HPSE2: variants seen among roughly 807,000 people sequenced by gnomAD.
HPSE2 encodes heparanase 2 (inactive).
A neutral mutation model predicts 60.5 loss-of-function variants in HPSE2; 38 were observed. The observed-to-expected ratio is 0.63, with a 90% confidence interval of 0.48 to 0.82. HPSE2 has a LOEUF of 0.82. Among genes scored for constraint, HPSE2 ranks in the 40% least tolerant of loss-of-function variants. The probability of loss-of-function intolerance (pLI) is 0.00; values close to 1 mark genes in which losing one functional copy is unlikely to be tolerated. For missense variants in HPSE2, 713 were observed against 740.4 expected, an observed-to-expected ratio of 0.96 and a Z score of 0.43; for synonymous variants, 295 against 293.2, an observed-to-expected ratio of 1.01 and a Z score of -0.06.
intron 3 of HPSE2, among the ~76,000 whole-genome samples, chr10:98,956,159 T>C (rs751450610): frequency 3.9e-5 from 6 of 151,988 alleles, no homozygotes; most frequent in Non-Finnish European, 7.4e-5. Context: ...TGAGTACCTA[T>C]TAGACATTGT....
At chr10:98,947,119 G>A (rs921359706) in intron 3 of HPSE2, among the ~76,000 whole-genome samples, 4 of 152,068 alleles carry the variant, frequency 2.6e-5, no homozygotes, top group Non-Finnish European at 4.4e-5. Context: ...CAGCTGTGAT[G>A]TGATGCCCAC....
chr10:99,145,226 G>A (rs1263328258), intron 2 of HPSE2, among the ~76,000 whole-genome samples: 1 of 152,176 alleles, frequency 6.6e-6, no homozygotes, highest in Non-Finnish European at 1.5e-5. Flanking sequence ...GGAGGCCAAG[G>A]CGGGCAGATC....
intron 5 of HPSE2, among the ~76,000 whole-genome samples, chr10:98,700,144 T>C (rs1333379686): frequency 1.3e-5 from 2 of 151,884 alleles, no homozygotes; most frequent in African/African-American, 4.8e-5. Context: ...AAAAAACTAC[T>C]TTAAAGTTCA....
At chr10:99,015,189 G>T (rs1957111212) in intron 3 of HPSE2, among the ~76,000 whole-genome samples, 1 of 151,900 alleles carries the variant, frequency 6.6e-6, no homozygotes, top group Non-Finnish European at 1.5e-5. Flanking sequence ...AGAGGATGTG[G>T]AGAAATAGGA....
intron 2 of HPSE2, among the ~76,000 whole-genome samples, chr10:99,164,744 G>A (rs1447965595): frequency 6.6e-6 from 1 of 151,898 alleles, no homozygotes; most frequent in Non-Finnish European, 1.5e-5. Context: ...TTCATTTTAG[G>A]CCAGGCGCAG....
intron 2 of HPSE2, among the ~76,000 whole-genome samples, chr10:99,230,175 A>G (rs2133946944): frequency 6.6e-6 from 1 of 152,360 alleles, no homozygotes; most frequent in African/African-American, 2.4e-5. Flanking sequence ...GACTTTAAAG[A>G]AAGTTTTAAA....
At chr10:98,610,345 A>G (rs964424908) in intron 9 of HPSE2, among the ~76,000 whole-genome samples, 1 of 152,212 alleles carries the variant, frequency 6.6e-6, no homozygotes, top group African/African-American at 2.4e-5. Context: ...AGGCTCATCA[A>G]CTGTGCTAGG....
At chr10:99,104,923 G>T (rs984022555) in intron 3 of HPSE2, among the ~76,000 whole-genome samples, 1 of 152,048 alleles carries the variant, frequency 6.6e-6, no homozygotes, top group Admixed American at 6.5e-5. Flanking sequence ...GGGGTCGGGG[G>T]AGAGGGGAGG....
rs1949569974 is a variant in HPSE2, at chr10:98,744,191, C to CTA, written c.611-137_611-136dup. ...AACACAGACAGGCTTCTAAAAGGGA[C>CTA]TATTACCTTTTGGTCTGGGTACATT... On this transcript the variant is annotated intron_variant, in intron 3 of 11. Coordinates refer to ENST00000370552, the MANE Select transcript of HPSE2 (RefSeq NM_021828.5). The CTA allele has an allele frequency of 4.7e-6, 4 of 842,748 alleles. No individual in the cohort carries two copies. The African/African-American group carries it at 5.1e-5, about 11-fold the overall frequency. The allele number at this position is 842,748 out of a possible 1,614,324, so 52.2% of individuals were successfully genotyped here. A position where few individuals can be genotyped will look rare whatever the true frequency, so the allele number is the denominator to read the frequency against.
At chr10:98,904,707 T>A (rs1341920232) in intron 3 of HPSE2, among the ~76,000 whole-genome samples, 2 of 152,164 alleles carry the variant, frequency 1.3e-5, no homozygotes, top group African/African-American at 4.8e-5. Context: ...GTGAATTATC[T>A]CCATATTTCC....
At chr10:98,460,517 G>A (rs11189620) in intron 11 of HPSE2, among the ~76,000 whole-genome samples, 36,197 of 151,942 alleles carry the variant, frequency 0.24, 4,741 homozygotes, top group Non-Finnish European at 0.3. Flanking sequence ...GGAGTTTGAA[G>A]TGGGAAGATC....
At chr10:98,701,877 A>G (rs1204842582) in intron 5 of HPSE2, among the ~76,000 whole-genome samples, 1 of 152,168 alleles carries the variant, frequency 6.6e-6, no homozygotes, top group African/African-American at 2.4e-5. Context: ...AAGACCAATG[A>G]CACTATGAAG....
At chr10:99,219,230 A>G (rs938113620) in intron 2 of HPSE2, among the ~76,000 whole-genome samples, 1 of 152,176 alleles carries the variant, frequency 6.6e-6, no homozygotes, top group Non-Finnish European at 1.5e-5. Context: ...CATCCCACAG[A>G]GTGCTCTCAA....
intron 10 of HPSE2, among the ~76,000 whole-genome samples, chr10:98,486,659 C>T (rs1269023291): frequency 6.6e-6 from 1 of 152,124 alleles, no homozygotes; most frequent in African/African-American, 2.4e-5. Context: ...CTAGAAATGT[C>T]TCCAGTGAAG....
chr10:98,834,316 G>T (rs1951745997), intron 3 of HPSE2, among the ~76,000 whole-genome samples: 1 of 151,998 alleles, frequency 6.6e-6, no homozygotes, highest in African/African-American at 2.4e-5. Flanking sequence ...AAAACTAATT[G>T]GTGACATCTG....
intron 3 of HPSE2, among the ~76,000 whole-genome samples, chr10:99,027,123 A>C (rs539991846): frequency 6.6e-6 from 1 of 152,228 alleles, no homozygotes; most frequent in South Asian, 2.1e-4. Flanking sequence ...TAAAGATCAA[A>C]GCAGAAATAA....
Position 98,458,023 on chromosome 10 carries a change from AC to A in HPSE2, c.*1550del, listed in dbSNP as rs1317457833. The A allele has an allele frequency of 7.2e-5, 11 of 152,170 alleles. No homozygotes were observed. Among genetic ancestry groups the A allele is most frequent in the African/African-American group, 2.7e-4 (11 of 41,402 alleles). The allele number at this position is 152,170 out of a possible 1,614,324, so 9.4% of individuals were successfully genotyped here. ...TAGTCAGCTTCCCTCTCCCAAATCC[AC>A]CGTTCTCCAAGCTCAGAATTCTCTC... On this transcript the variant is annotated 3_prime_UTR_variant, in exon 12 of 12. Transcript: ENST00000370552.
intron 3 of HPSE2, among the ~76,000 whole-genome samples, chr10:98,813,304 A>C (rs1951210315): frequency 1.3e-5 from 2 of 152,114 alleles, no homozygotes; most frequent in Non-Finnish European, 2.9e-5. Context: ...ATACATCAAA[A>C]ATTCCAGAAA....
chr10:98,581,363 A>T lies in HPSE2; in HGVS notation c.1320+33541T>A, dbSNP rs182333150. On this transcript the variant is annotated intron_variant, in intron 9 of 11. Coordinates refer to ENST00000370552, the MANE Select transcript of HPSE2 (RefSeq NM_021828.5). ...TCAAAACCAATTTTTACCTTGACAA[A>T]TCCATTTTAACTTAACAACAACTTA... 1.4e-3 allele frequency among the ~76,000 whole-genome samples: 216 copies of T among 152,238 alleles called. 1 individual carries two copies. Among genetic ancestry groups the T allele is most frequent in the African/African-American group, 5.0e-3 (209 of 41,542 alleles).
Sources: gnomAD v4.1 joint callset for allele counts (sites outside exome capture counted in the v4.1 genomes callset) on GRCh38, gnomAD v4.1.1 for gene constraint, MANE v1.5 for transcripts, NCBI Gene and HGNC (gene_info 2026-07-23, HGNC 2026-07-21) for gene names.